CYP4B1: variants seen among roughly 807,000 people sequenced by gnomAD.
CYP4B1 encodes the protein cytochrome P450 4B1.
In CYP4B1, 45 loss-of-function variants were observed where a neutral mutation model predicts 54.0. The ratio of observed to expected loss-of-function variants is 0.83; its 90% CI spans 0.66 to 1.07. The LOEUF (loss-of-function observed/expected upper bound fraction) is 1.07, where lower values mean the gene tolerates loss of function less well. CYP4B1 is among the 50% of genes least tolerant of loss of function. The probability of loss-of-function intolerance (pLI) is 0.00; values close to 1 mark genes in which losing one functional copy is unlikely to be tolerated. For missense variants in CYP4B1, 656 were observed against 655.4 expected (o/e 1.00, Z -0.01); for synonymous variants, 248 against 247.5 (o/e 1.00, Z -0.02).
intron 3 of CYP4B1, chr1:46,812,254 C>T: frequency 1.5e-6 from 1 of 651,298 alleles, no homozygotes; most frequent in Non-Finnish European, 2.8e-6. Context: ...GTGGGTGCAG[C>T]TGAGATACAG....
At chr1:46,817,025 T>C in intron 8 of CYP4B1, 23 bp from the exon 9 acceptor site, 5 of 1,610,898 alleles carry the variant, frequency 3.1e-6, no homozygotes, top group Non-Finnish European at 4.2e-6. Context: ...ATTCCAAGAA[T>C]GTTCTGGTTG....
chr1:46,818,527 T>C, intron 11 of CYP4B1, 104 bp from the exon 12 acceptor site: 2 of 1,201,248 alleles, frequency 1.7e-6, no homozygotes, highest in Non-Finnish European at 2.4e-6. Context: ...CAGCCAGTTA[T>C]TCATCCAAAA....
intron 1 of CYP4B1, among the ~76,000 whole-genome samples, chr1:46,803,219 G>A (rs922866836): frequency 5.3e-5 from 8 of 152,200 alleles, no homozygotes; most frequent in African/African-American, 7.2e-5. Context: ...TCAAGGTGGC[G>A]AACAGATTGA....
rs566106726 is a variant in CYP4B1, at chr1:46,816,335, G to A, written c.1074-713G>A. Among the ~76,000 whole-genome samples the A allele has an allele frequency of 3.3e-5, 5 of 152,260 alleles. No homozygotes were observed. The South Asian group carries it at 1.0e-3, about 32-fold the overall frequency. ...AAATTCAGGCAAAGAGAGAGAGGTAGGCATTGTAGGCTGGGTAACAATGTG... is the reference window on the plus strand; with the variant it reads ...AAATTCAGGCAAAGAGAGAGAGGTAAGCATTGTAGGCTGGGTAACAATGTG... On this transcript the variant is annotated intron_variant, in intron 8 of 11. Transcript: ENST00000371923.
intron 1 of CYP4B1, among the ~76,000 whole-genome samples, chr1:46,802,252 C>CA (rs1678692150): frequency 6.6e-6 from 1 of 152,152 alleles, no homozygotes; most frequent in Non-Finnish European, 1.5e-5. Flanking sequence ...TCTGAGACTG[C>CA]AGAGGCCTCT....
chr1:46,808,295 C>A (rs2148401316), intron 1 of CYP4B1, among the ~76,000 whole-genome samples: 1 of 152,248 alleles, frequency 6.6e-6, no homozygotes, highest in African/African-American at 2.4e-5. Flanking sequence ...TCCACATCCT[C>A]TCCAGCACCT....
chr1:46,811,516 C>T (rs1410296971), intron 3 of CYP4B1, among the ~76,000 whole-genome samples: 2 of 152,132 alleles, frequency 1.3e-5, no homozygotes, highest in African/African-American at 2.4e-5. Flanking sequence ...AGGGCAAGGG[C>T]CTAAGGAAAT....
In CYP4B1 at chr1:46,815,178, C is replaced by G; in HGVS notation, c.987C>G (p.Leu329=). The change falls in exon 8 of 12, where the codon CTC becomes CTG. Residue 329 remains leucine, a synonymous_variant. Coordinates refer to ENST00000371923, the MANE Select transcript of CYP4B1 (RefSeq NM_001099772.2). ...DTTTSGISWF[L]YCMALYPEHQ... Reference sequence around the variant, plus strand: ...CCACCAGTGGTATCTCCTGGTTTCTCTACTGCATGGCCCTGTACCCTGAGC... The same window carrying G: ...CCACCAGTGGTATCTCCTGGTTTCTGTACTGCATGGCCCTGTACCCTGAGC... 6.2e-7 allele frequency: 1 copy of G among 1,613,864 alleles called. No homozygotes were observed. The highest frequency in any genetic ancestry group is 8.5e-7 in the Non-Finnish European group (1 of 1,179,814).
intron 1 of CYP4B1, among the ~76,000 whole-genome samples, chr1:46,810,209 G>T (rs1387555684): frequency 6.6e-6 from 1 of 152,156 alleles, no homozygotes; most frequent in East Asian, 1.9e-4. Context: ...ATCTAAGCAG[G>T]CCCTCCCTGT....
intron 1 of CYP4B1, among the ~76,000 whole-genome samples, chr1:46,804,079 C>T (rs953122286): frequency 2.6e-5 from 4 of 152,110 alleles, no homozygotes; most frequent in African/African-American, 9.7e-5. Context: ...AGGTAGATGG[C>T]ACAGGAAACC....
At position 46,816,101 on chromosome 1, in the gene CYP4B1, TC is replaced by T. The variant is rs3835463; in HGVS notation, c.1073+846del. Among the ~76,000 whole-genome samples, 31 of 151,222 alleles carry T rather than the reference TC, an allele frequency of 2.0e-4. No individual in the cohort carries two copies. The East Asian group carries it at 3.7e-3, about 18-fold the overall frequency. The stretch of plus-strand genomic sequence containing the variant: ...CATTTCTGTTGGTCATATGTGAGAA[TC>T]CCCCCCCCACGGGGTATCCAGACAC... On this transcript the variant is annotated intron_variant, in intron 8 of 11. Transcript: ENST00000371923.
chr1:46,817,888 A>G (rs1332744649), intron 9 of CYP4B1, 77 bp from the exon 10 acceptor site: 6 of 1,304,576 alleles, frequency 4.6e-6, no homozygotes, highest in African/African-American at 2.9e-5. Flanking sequence ...AGGGGTCACT[A>G]GGGGACTCTG....
At chr1:46,812,298 A>G in intron 3 of CYP4B1, 198 bp from the exon 4 acceptor site, 1 of 701,458 alleles carries the variant, frequency 1.4e-6, no homozygotes, top group East Asian at 2.7e-5. Flanking sequence ...GAAGGAGCTC[A>G]CTCAGCCAAG....
At chr1:46,812,817 G>A (rs1022675040) in intron 4 of CYP4B1, among the ~76,000 whole-genome samples, 194 bp downstream of exon 4, 3 of 152,136 alleles carry the variant, frequency 2.0e-5, no homozygotes, top group Non-Finnish European at 2.9e-5. Flanking sequence ...CCACTGAGTC[G>A]GTGCTGAATC....
chr1:46,810,522 G>A (rs45481405), intron 1 of CYP4B1, among the ~76,000 whole-genome samples: 3,146 of 152,324 alleles, frequency 0.021, 60 homozygotes, highest in East Asian at 0.099. Flanking sequence ...TCTGGCTGCA[G>A]TGCAGTAGAG....
intron 1 of CYP4B1, among the ~76,000 whole-genome samples, chr1:46,800,240 TC>T (rs746325940): frequency 0.056 from 1,216 of 21,608 alleles, 78 homozygotes; most frequent in African/African-American, 0.12. Context: ...TTTCTTTCTT[TC>T]CTTCCTTCCT....
At chr1:46,799,932 A>G (rs1011091971) in intron 1 of CYP4B1, among the ~76,000 whole-genome samples, 3 of 152,202 alleles carry the variant, frequency 2.0e-5, no homozygotes, top group Non-Finnish European at 4.4e-5. Context: ...AGAGGTTTCT[A>G]ATTAGACACA....
chr1:46,812,484 T>C lies in CYP4B1; in HGVS notation c.368-12T>C. The C allele has an allele frequency of 6.3e-7, 1 of 1,584,480 alleles. No homozygotes were observed. On this transcript the variant is annotated splice_polypyrimidine_tract_variant and intron_variant, in intron 3 of 11. Coordinates refer to ENST00000371923, the MANE Select transcript of CYP4B1 (RefSeq NM_001099772.2). Reference sequence around the variant, plus strand: ...GGACTGACCAGCCCTCTCTCTCCCATCCCTTCCCCAGGGAGAGGCCTGCTG... The same window carrying C: ...GGACTGACCAGCCCTCTCTCTCCCACCCCTTCCCCAGGGAGAGGCCTGCTG...
chr1:46,812,543 A>C lies in CYP4B1; in HGVS notation c.415A>C (p.Lys139Gln), dbSNP rs1679153223. ...GGGGCCCAAGTGGTTGCAGCACCGC[A>C]AGCTGCTCACACCTGGCTTTCATTA... ...LEGPKWLQHR[K>Q]LLTPGFHYDV... is the part of the protein sequence containing the mutation. Residue 139 changes from lysine to glutamine, a missense_variant, in exon 4 of 12, where the codon AAG becomes CAG. By Grantham distance (53) the Lys-to-Gln change is moderately conservative. Transcript: ENST00000371923. 4 of 1,613,920 alleles carry C rather than the reference A, an allele frequency of 2.5e-6. No individual in the cohort carries two copies. Among genetic ancestry groups the C allele is most frequent in the Non-Finnish European group, 2.5e-6 (3 of 1,179,982 alleles).
Sources: allele counts gnomAD v4.1 joint callset (sites outside exome capture counted in the v4.1 genomes callset), GRCh38; gene constraint gnomAD v4.1.1; transcripts MANE v1.5; gene names NCBI Gene and HGNC (gene_info 2026-07-23, HGNC 2026-07-21).